HFM1: variants seen among roughly 807,000 people sequenced by gnomAD.
HFM1 encodes helicase for meiosis 1, also known as probable ATP-dependent DNA helicase HFM1.
In HFM1, 169 loss-of-function variants were observed where a neutral mutation model predicts 192.1. The ratio of observed to expected loss-of-function variants is 0.88; its 90% confidence interval spans 0.78 to 1.00. HFM1 has a LOEUF of 1.00. HFM1 is among the 50% of genes least tolerant of loss of function. The pLI is 0.00. For synonymous variants in HFM1, 525 were observed against 537.8 expected, an observed-to-expected ratio of 0.98 and a Z score of 0.33; for missense variants, 1,661 against 1,668.0, an observed-to-expected ratio of 1.00 and a Z score of 0.07.
intron 30 of HFM1, among the ~76,000 whole-genome samples, chr1:91,310,059 C>T (rs904096108): frequency 6.6e-6 from 1 of 151,546 alleles, no homozygotes; most frequent in African/African-American, 2.4e-5. Context: ...ACTAGAAATA[C>T]TCAAAAGGAC....
chr1:91,342,778 G>A (rs1655537271), intron 20 of HFM1, among the ~76,000 whole-genome samples: 1 of 152,104 alleles, frequency 6.6e-6, no homozygotes, highest in Admixed American at 6.5e-5. Flanking sequence ...CTAACCACCA[G>A]ATTATCAATG....
chr1:91,328,978 CA>C, intron 20 of HFM1: 1 of 1,612,578 alleles, frequency 6.2e-7, no homozygotes. Flanking sequence ...CCAGTGAAGC[CA>C]AAAAGCTGCC....
At chr1:91,317,203 T>G (rs991859442) in intron 25 of HFM1, among the ~76,000 whole-genome samples, 1 of 152,002 alleles carries the variant, frequency 6.6e-6, no homozygotes, top group Non-Finnish European at 1.5e-5. Flanking sequence ...TCACCTGAGG[T>G]CGGGAGTTCG....
In HFM1 at chr1:91,379,082, T is replaced by C; in HGVS notation, c.1139A>G (p.His380Arg). 6.3e-7 allele frequency: 1 copy of C among 1,577,654 alleles called. No individual in the cohort carries two copies. The highest frequency in any genetic ancestry group is 8.6e-7 in the Non-Finnish European group (1 of 1,161,958). Residue 380 changes from histidine (H) to arginine (R), a missense_variant, in exon 9 of 39, where the codon CAT becomes CGT. Transcript: ENST00000370425. ...ACCTACTGGAGTTGTCATAATAATA[T>C]GGGCATGCTGAATCTCAAATAGATC... Reference protein sequence around the residue: ...MDDLFEIQHAHIIMTTPEKWD... With the variant: ...MDDLFEIQHARIIMTTPEKWD...
intron 30 of HFM1, among the ~76,000 whole-genome samples, chr1:91,290,092 A>C (rs940457048): frequency 1.7e-4 from 26 of 152,166 alleles, no homozygotes; most frequent in Non-Finnish European, 2.8e-4. Flanking sequence ...CCGCTGCAAA[A>C]TCATGCCAAA....
In HFM1 at chr1:91,368,903, G is replaced by A. The variant is rs1055623636; in HGVS notation, c.1685+6455C>T. ...TGCTCAAAATAAAGGGATGGAGGAA[G>A]ATCTACCAAGCAAATGGAAAACAAA... On this transcript the variant is annotated intron_variant, in intron 13 of 38. Transcript: ENST00000370425. Among the ~76,000 whole-genome samples the A allele has an allele frequency of 5.9e-5, 9 of 152,118 alleles. No individual in the cohort carries two copies. The East Asian group carries it at 1.7e-3, about 29-fold the overall frequency.
intron 30 of HFM1, among the ~76,000 whole-genome samples, chr1:91,297,990 A>G (rs1446865192): frequency 6.6e-6 from 1 of 152,198 alleles, no homozygotes; most frequent in East Asian, 1.9e-4. Context: ...CAACTACTCC[A>G]AGCTAAAGGA....
chr1:91,365,695 C>CT (rs1299592303), intron 13 of HFM1, among the ~76,000 whole-genome samples: 1 of 151,558 alleles, frequency 6.6e-6, no homozygotes, highest in African/African-American at 2.4e-5. Flanking sequence ...ACACTCATGA[C>CT]TTTTTTTAAG....
intron 29 of HFM1, 65 bp downstream of exon 29, chr1:91,313,892 G>C (rs1650835983): frequency 1.2e-6 from 1 of 831,822 alleles, no homozygotes; most frequent in Non-Finnish European, 2.0e-6. Context: ...CCAGCATAAA[G>C]GATGTAATTT....
In HFM1 at chr1:91,385,710, T is replaced by C. The variant is rs753901043; in HGVS notation, c.619A>G (p.Ser207Gly). 1.2e-6 allele frequency: 2 copies of C among 1,612,796 alleles called. No individual in the cohort carries two copies. The highest frequency in any genetic ancestry group is 1.1e-5 in the South Asian group (1 of 91,054). Residue 207 changes from serine to glycine, a missense_variant, in exon 5 of 39, where the codon AGC (serine) becomes GGC (glycine). Physicochemically the swap from Ser to Gly is moderately conservative, Grantham distance 56. Transcript: ENST00000370425. ...TACTGAAATTTTTGCTTACTATTGC[T>C]ATAGTTCCTTGATTTCCCTTTGTTC... Reference protein sequence around the residue: ...EMNKGKSRNYSNSKQKFQYSA... With the variant: ...EMNKGKSRNYGNSKQKFQYSA...
rs189769116 is a variant in HFM1, at chr1:91,265,780, T to A, written c.3974+237A>T. ...GGGCTCCAGTCCCAGAGACAAAAAT[T>A]CGGTAGATCTAATGTGGGGCTTAAG... is the stretch of plus-strand genomic sequence containing the variant. On this transcript the variant is annotated intron_variant, in intron 36 of 38. Transcript: ENST00000370425. Among the ~76,000 whole-genome samples the A allele has an allele frequency of 2.6e-4, 39 of 152,302 alleles. 1 individual carries two copies. Among genetic ancestry groups the A allele is most frequent in the Admixed American group, 2.6e-4 (4 of 15,296 alleles).
chr1:91,396,405 G>A lies in HFM1; in HGVS notation c.72C>T (p.Asn24=), dbSNP rs1184276785. The A allele has an allele frequency of 6.7e-7, 1 of 1,499,758 alleles. No individual in the cohort carries two copies. The highest frequency in any genetic ancestry group is 1.2e-5 in the South Asian group (1 of 82,976). 92.9% of individuals were successfully genotyped at this position (1,499,758 alleles called of 1,614,324 possible). Residue 24 remains asparagine, a splice_region_variant and synonymous_variant, in exon 3 of 39, where the codon AAC becomes AAT. Transcript: ENST00000370425. ...LFFEKPDEVE[N]HPDNEKSLDW... The stretch of plus-strand genomic sequence containing the variant: ...CCAATGACTTTTCATTGTCTGGATG[G>A]CTATATAAAATATAAAAATGTGAGT...
chr1:91,289,619 G>T (rs1211162539), intron 30 of HFM1, among the ~76,000 whole-genome samples: 1 of 152,148 alleles, frequency 6.6e-6, no homozygotes, highest in Non-Finnish European at 1.5e-5. Context: ...TGGCACCTTG[G>T]GAGGCTGAGG....
At chr1:91,384,926 G>A (rs1409109800) in intron 6 of HFM1, among the ~76,000 whole-genome samples, 1 of 151,844 alleles carries the variant, frequency 6.6e-6, no homozygotes, top group Non-Finnish European at 1.5e-5. Context: ...TACATTTTTA[G>A]TAGAGACAAG....
At position 91,261,288 on chromosome 1, in the gene HFM1, T is replaced by C. The variant is rs1557740256; in HGVS notation, c.*2A>G. 7.8e-7 allele frequency: 1 copy of C among 1,279,450 alleles called. No individual in the cohort carries two copies. The highest frequency in any genetic ancestry group is 3.0e-5 in the Admixed American group (1 of 33,122). The allele number at this position is 1,279,450 out of a possible 1,614,324, so 79.3% of individuals were successfully genotyped here. On this transcript the variant is annotated 3_prime_UTR_variant, in exon 39 of 39. Transcript: ENST00000370425. ...TATCAATATAAAAAGTATTTGTTTG[T>C]TTTAGAAAATACCATCAAATATTCC...
chr1:91,397,264 A>C (rs1663776147), intron 2 of HFM1, among the ~76,000 whole-genome samples: 1 of 152,132 alleles, frequency 6.6e-6, no homozygotes, highest in Admixed American at 6.6e-5. Flanking sequence ...CCTCTTTATA[A>C]CCTATAGTAA....
At chr1:91,282,264 G>A (rs1283247165) in intron 30 of HFM1, among the ~76,000 whole-genome samples, 4 of 151,870 alleles carry the variant, frequency 2.6e-5, no homozygotes, top group Non-Finnish European at 5.9e-5. Context: ...TTGACTTTAT[G>A]TTCGAGACCT....
At chr1:91,262,663 A>G in intron 36 of HFM1, 71 bp from the exon 37 acceptor site, 3 of 898,338 alleles carry the variant, frequency 3.3e-6, no homozygotes, top group Non-Finnish European at 5.2e-6. Flanking sequence ...GATCATAATG[A>G]TTTTTGGGGA....
chr1:91,268,470 TAGAC>T (rs1291918501), intron 34 of HFM1, among the ~76,000 whole-genome samples: 4 of 152,002 alleles, frequency 2.6e-5, no homozygotes, highest in Non-Finnish European at 5.9e-5. Context: ...TGTATGGTCT[TAGAC>T]AGTAATTCAA....
Sources: allele counts gnomAD v4.1 joint callset (sites outside exome capture counted in the v4.1 genomes callset), GRCh38; gene constraint gnomAD v4.1.1; transcripts MANE v1.5; gene names NCBI Gene and HGNC (gene_info 2026-07-23, HGNC 2026-07-21).